KRT77: variants seen among roughly 807,000 people sequenced by gnomAD.
The protein encoded by KRT77 is keratin, type II cytoskeletal 1b.
A neutral mutation model predicts 51.5 loss-of-function variants in KRT77; 44 were observed. The observed-to-expected ratio is 0.85, with a 90% CI of 0.67 to 1.10. The LOEUF (loss-of-function observed/expected upper bound fraction) is 1.10, where lower values mean the gene tolerates loss of function less well. Ranked by LOEUF, KRT77 falls within the 50% of genes least tolerant of loss-of-function variation. The pLI is 0.00. For synonymous variants in KRT77, 293 were observed against 302.0 expected (o/e 0.97, Z 0.31); for missense variants, 763 against 743.9 (o/e 1.03, Z -0.30).
chr12:52,694,767 G>A lies in KRT77; in HGVS notation c.939C>T (p.His313=), dbSNP rs756855197. 1 of 1,609,988 alleles carries A rather than the reference G, an allele frequency of 6.2e-7. No individual in the cohort carries two copies. The highest frequency in any genetic ancestry group is 2.2e-5 in the East Asian group (1 of 44,738). ...FLTELSQVQT[H]ISDTNVILSM... ...ACAGGATGACGTTGGTGTCGCTGAT[G>A]TGAGTCTGCACCTGAGACAGCTCCT... The change falls in exon 5 of 9, where the codon CAC becomes CAT. Residue 313 remains histidine (H), a synonymous_variant. Coordinates refer to ENST00000341809, the MANE Select transcript of KRT77 (RefSeq NM_175078.3).
intron 5 of KRT77, among the ~76,000 whole-genome samples, chr12:52,694,394 C>A (rs1046411704): frequency 1.3e-5 from 2 of 152,086 alleles, no homozygotes; most frequent in African/African-American, 4.8e-5. Context: ...CTTTTAATGG[C>A]GAGAACCGCA....
At chr12:52,696,538 G>T (rs1008873189) in intron 2 of KRT77, 108 bp from the exon 3 acceptor site, 3 of 914,176 alleles carry the variant, frequency 3.3e-6, no homozygotes, top group East Asian at 2.6e-5. Flanking sequence ...TTGCTGTCCT[G>T]GGTTCAGAGA....
At chr12:52,698,097 A>G (rs544946454) in intron 1 of KRT77, 44 of 1,480,972 alleles carry the variant, frequency 3.0e-5, no homozygotes, top group Non-Finnish European at 4.0e-5. Context: ...TGTAAGGTCA[A>G]CTTGCCTAAA....
Position 52,703,311 on chromosome 12 carries a change from C to G in KRT77, c.124G>C (p.Gly42Arg). 6.2e-7 allele frequency: 1 copy of G among 1,614,184 alleles called. No homozygotes were observed. The highest frequency in any genetic ancestry group is 1.1e-5 in the South Asian group (1 of 91,078). The change falls in exon 1 of 9, where the codon GGG (glycine) becomes CGG (arginine). Residue 42 changes from glycine to arginine, a missense_variant. By Grantham distance (125) the Gly-to-Arg change is moderately radical (BLOSUM62 -2). Transcript: ENST00000341809. ...CCATATCCACCACCACCACACCTCC[C>G]TCGAGCATAACACACAGAACCCACT... ...PAVGSVCYAR[G>R]RCGGGGYGIH...
At position 52,690,970 on chromosome 12, in the gene KRT77, C is replaced by T; in HGVS notation, c.*195G>A. The T allele has an allele frequency of 1.4e-6, 1 of 711,720 alleles. No homozygotes were observed. Among genetic ancestry groups the T allele is most frequent in the Non-Finnish European group, 2.3e-6 (1 of 433,548 alleles). The allele number at this position is 711,720 out of a possible 1,614,324, so 44.1% of individuals were successfully genotyped here. Reference sequence around the variant, plus strand: ...GCCTAGCTGTGAATCTGACTGCAAGCCAGTGCCCTCCAAAGAGAGATCTGC... The same window carrying T: ...GCCTAGCTGTGAATCTGACTGCAAGTCAGTGCCCTCCAAAGAGAGATCTGC... On this transcript the variant is annotated 3_prime_UTR_variant, in exon 9 of 9. Transcript: ENST00000341809.
At position 52,692,842 on chromosome 12, in the gene KRT77, G is replaced by A. The variant is rs828109; in HGVS notation, c.1119C>T (p.Asp373=). 66,865 of 1,603,700 alleles carry A rather than the reference G, an allele frequency of 0.042. 5,847 individuals are homozygous for A. The highest frequency in any genetic ancestry group is 0.071 in the South Asian group (6,455 of 90,802). Residue 373 remains aspartate, a synonymous_variant, in exon 6 of 9, where the codon GAC becomes GAT. Coordinates refer to ENST00000341809, the MANE Select transcript of KRT77 (RefSeq NM_175078.3). ...ELQITAGRHG[D]DLKNSKMEIA... is the part of the protein sequence containing the mutation. Reference sequence around the variant, plus strand: ...TCTCCATCTTGCTGTTCTTCAGGTCGTCTCCATGTCTCCCTGCCGTGATCT... The same window carrying A: ...TCTCCATCTTGCTGTTCTTCAGGTCATCTCCATGTCTCCCTGCCGTGATCT...
intron 7 of KRT77, 83 bp from the exon 8 acceptor site, chr12:52,692,055 G>A (rs370232006): frequency 6.3e-6 from 9 of 1,436,166 alleles, no homozygotes; most frequent in African/African-American, 5.6e-5. Flanking sequence ...TGGATCAGAG[G>A]TGTCCCCAAG....
rs149726101 is a variant in KRT77, at chr12:52,703,292, C to T, written c.143G>A (p.Gly48Glu). ...CYARGRCGGG[G>E]YGIHGRGFGS... ...AAACCCCCTTCCATGGATCCCATAT[C>T]CACCACCACCACACCTCCCTCGAGC... Residue 48 changes from glycine to glutamate, a missense_variant, in exon 1 of 9, where the codon GGA (glycine) becomes GAA (glutamate). Physicochemically the swap from Gly to Glu is moderately conservative, Grantham distance 98. Transcript: ENST00000341809. The T allele has an allele frequency of 1.2e-5, 19 of 1,613,518 alleles. No individual in the cohort carries two copies. The highest frequency in any genetic ancestry group is 1.5e-5 in the Non-Finnish European group (18 of 1,179,774).
Position 52,703,372 on chromosome 12 carries a change from G to C in KRT77, c.63C>G (p.Thr21=). The change falls in exon 1 of 9, where the codon ACC becomes ACG. Residue 21 remains threonine (T), a synonymous_variant. Coordinates refer to ENST00000341809, the MANE Select transcript of KRT77 (RefSeq NM_175078.3). ...CACCACCAGAGCCTGCAGAAGAGCT[G>C]GTACTATAAACCCGCCTGCTCATTG... ...FSSMSRRVYS[T]SSSAGSGGGS... The C allele has an allele frequency of 4.3e-6, 7 of 1,613,580 alleles. No individual in the cohort carries two copies. The highest frequency in any genetic ancestry group is 5.9e-6 in the Non-Finnish European group (7 of 1,179,760).
At chr12:52,691,836 GAAGCTA>G (rs1025959505) in intron 8 of KRT77, 96 bp downstream of exon 8, 2 of 1,361,030 alleles carry the variant, frequency 1.5e-6, no homozygotes, top group Non-Finnish European at 2.1e-6. Context: ...CACAGGACTG[GAAGCTA>G]AAATGCCAGA....
Position 52,691,277 on chromosome 12 carries a change from C to T in KRT77, c.1625G>A (p.Cys542Tyr). Residue 542 changes from cysteine (C) to tyrosine (Y), a missense_variant, in exon 9 of 9, where the codon TGC becomes TAC. By Grantham distance (194) the Cys-to-Tyr change is radical. Coordinates refer to ENST00000341809, the MANE Select transcript of KRT77 (RefSeq NM_175078.3). ...GRSGGGYGSG[C>Y]GGGGGSYGGS... Reference sequence around the variant, plus strand: ...TCCGTAGCTCCCGCCACCGCCGCCGCAGCCGCTGCCATAACCGCCTCCACT... The same window carrying T: ...TCCGTAGCTCCCGCCACCGCCGCCGTAGCCGCTGCCATAACCGCCTCCACT... 1 of 1,597,810 alleles carries T rather than the reference C, an allele frequency of 6.3e-7. No individual in the cohort carries two copies. Among genetic ancestry groups the T allele is most frequent in the Non-Finnish European group, 8.5e-7 (1 of 1,170,668 alleles).
intron 8 of KRT77, among the ~76,000 whole-genome samples, chr12:52,691,662 A>C (rs904130307): frequency 6.6e-6 from 1 of 152,244 alleles, no homozygotes; most frequent in Non-Finnish European, 1.5e-5. Context: ...TGTTTATTGA[A>C]TATGTACCCT....
In KRT77 at chr12:52,691,057, G is replaced by A; in HGVS notation, c.*108C>T. ...TCGAATTTATTGGCAAAATTGCTGA[G>A]ACCCATTAAGAAAAGTGAATGAGAG... On this transcript the variant is annotated 3_prime_UTR_variant, in exon 9 of 9. Transcript: ENST00000341809. 2 of 1,519,136 alleles carry A rather than the reference G, an allele frequency of 1.3e-6. No homozygotes were observed. The highest frequency in any genetic ancestry group is 1.2e-5 in the South Asian group (1 of 82,830). 94.1% of individuals were successfully genotyped at this position (1,519,136 alleles called of 1,614,324 possible).
intron 4 of KRT77, 40 bp downstream of exon 4, chr12:52,695,732 G>A (rs1177194232): frequency 7.1e-7 from 1 of 1,402,810 alleles, no homozygotes; most frequent in African/African-American, 1.4e-5. Flanking sequence ...CTTGTGAGAT[G>A]TGAGAAAAGA....
Position 52,691,538 on chromosome 12 carries a change from C to A in KRT77, c.1463-99G>T, listed in dbSNP as rs1941710117. On this transcript the variant is annotated intron_variant, in intron 8 of 8. Coordinates refer to ENST00000341809, the MANE Select transcript of KRT77 (RefSeq NM_175078.3). Reference sequence around the variant, plus strand: ...TGCAGCCTCCTCCATCCTCGATCACCCGTGGCATCGACTTGCAAACCCCAT... The same window carrying A: ...TGCAGCCTCCTCCATCCTCGATCACACGTGGCATCGACTTGCAAACCCCAT... 6 of 1,374,708 alleles carry A rather than the reference C, an allele frequency of 4.4e-6. No homozygotes were observed. The South Asian group carries it at 5.5e-5, about 13-fold the overall frequency. The allele number at this position is 1,374,708 out of a possible 1,614,324, so 85.2% of individuals were successfully genotyped here.
In KRT77 at chr12:52,693,279, C is replaced by A. The variant is rs958188155; in HGVS notation, c.1081-399G>T. On this transcript the variant is annotated intron_variant, in intron 5 of 8. Coordinates refer to ENST00000341809, the MANE Select transcript of KRT77 (RefSeq NM_175078.3). ...TTTCCAGGATGATCTCCCTAGCAGT[C>A]AAGCAGGACCTCATGTCCTCAGAGG... 6.6e-5 allele frequency among the ~76,000 whole-genome samples: 10 copies of A among 150,700 alleles called. 1 individual carries two copies. The highest frequency in any genetic ancestry group is 2.7e-4 in the Admixed American group (4 of 15,070).
Position 52,697,876 on chromosome 12 carries a change from C to G in KRT77, c.564G>C (p.Gln188His), listed in dbSNP as rs746274657. 1.2e-6 allele frequency: 2 copies of G among 1,614,030 alleles called. No homozygotes were observed. Among genetic ancestry groups the G allele is most frequent in the Admixed American group, 3.3e-5 (2 of 60,022 alleles). The change falls in exon 2 of 9, where the codon CAG becomes CAC. Residue 188 changes from glutamine (Q) to histidine (H), a missense_variant. Transcript: ENST00000341809. ...CCCATTTTGTTTGTAGCACCTGGTT[C>G]TGCTGCTCCAGGAATCGCACCTAAG... ...FIDKVRFLEQ[Q>H]NQVLQTKWEL...
Position 52,690,450 on chromosome 12 carries a change from G to A in KRT77, c.*715C>T, listed in dbSNP as rs771409096. The A allele has an allele frequency of 1.8e-4, 28 of 154,418 alleles. No individual in the cohort carries two copies. The highest frequency in any genetic ancestry group is 3.0e-4 in the Non-Finnish European group (21 of 69,532). The allele number at this position is 154,418 out of a possible 1,614,324, so 9.6% of individuals were successfully genotyped here. ...ACTATCCATCAACATGAGTGTATGAGGCTATGGACCAAGAGGCAGGAATAG... is the reference window on the plus strand; with the variant it reads ...ACTATCCATCAACATGAGTGTATGAAGCTATGGACCAAGAGGCAGGAATAG... On this transcript the variant is annotated 3_prime_UTR_variant, in exon 9 of 9. Coordinates refer to ENST00000341809, the MANE Select transcript of KRT77 (RefSeq NM_175078.3).
rs139240914 is a variant in KRT77, at chr12:52,703,341, G to A, written c.94C>T (p.Pro32Ser). The change falls in exon 1 of 9, where the codon CCG becomes TCG. Residue 32 changes from proline to serine, a missense_variant. Coordinates refer to ENST00000341809, the MANE Select transcript of KRT77 (RefSeq NM_175078.3). The stretch of plus-strand genomic sequence containing the variant: ...GCATAACACACAGAACCCACTGCCG[G>A]ACTCCCACCACCAGAGCCTGCAGAA... ...SSSAGSGGGS[P>S]AVGSVCYARG... 15,991 of 1,614,018 alleles carry A rather than the reference G, an allele frequency of 9.9e-3. 98 individuals carry two copies. Among genetic ancestry groups the A allele is most frequent in the Non-Finnish European group, 0.012 (14,456 of 1,180,006 alleles).
Sources: gnomAD v4.1 joint callset for allele counts (sites outside exome capture counted in the v4.1 genomes callset) on GRCh38, gnomAD v4.1.1 for gene constraint, MANE v1.5 for transcripts, NCBI Gene and HGNC (gene_info 2026-07-23, HGNC 2026-07-21) for gene names.